Variants in DGCR8 observed in about 807,000 individuals in gnomAD.
DGCR8 encodes DGCR8 microprocessor complex subunit.
DGCR8 carries 14 observed loss-of-function variants against 78.5 expected under a neutral mutation model. That is an observed-to-expected ratio of 0.18 (90% confidence interval 0.12 to 0.28). DGCR8 has a LOEUF of 0.28. DGCR8 is among the 10% of genes least tolerant of loss of function. The probability of loss-of-function intolerance (pLI) is 1.00; values close to 1 mark genes in which losing one functional copy is unlikely to be tolerated. For synonymous variants in DGCR8, 399 were observed against 402.4 expected (o/e 0.99, Z 0.10); for missense variants, 702 against 1,022.5 (o/e 0.69, Z 4.28).
chr22:20,094,253 C>T (rs750943543), intron 8 of DGCR8, among the ~76,000 whole-genome samples: 7 of 152,170 alleles, frequency 4.6e-5, no homozygotes, highest in Non-Finnish European at 8.8e-5. Flanking sequence ...TGGGCATATC[C>T]GTGCCCTGCC....
At chr22:20,107,164 C>T in intron 11 of DGCR8, 107 bp from the exon 12 acceptor site, 1 of 1,307,366 alleles carries the variant, frequency 7.6e-7, no homozygotes, top group Admixed American at 1.7e-5. Flanking sequence ...AGAATGTGCC[C>T]TGGCTGGCCC....
rs1313159632 is a variant in DGCR8 at position 20,107,294 on chromosome 22, C to G, written c.2020C>G (p.Gln674Glu). The change falls in exon 12 of 14, where the codon CAG becomes GAG. Residue 674 changes from glutamine to glutamate, a missense_variant. By Grantham distance (29) the Gln-to-Glu change is conservative (BLOSUM62 2). Around this residue, in one of 4 missense-constraint regions of DGCR8, gnomAD observed 225 missense variants for 427.7 expected, o/e 0.53. Coordinates refer to ENST00000351989, the MANE Select transcript of DGCR8 (RefSeq NM_022720.7). ...AGGTAAGAACAAGAGAGTTGGAAAG[C>G]AGTTAGCCTCACAGAAGATCCTTCA... ...GWCKNKRVGK[Q>E]LASQKILQLL... 1 of 1,614,156 alleles carries G rather than the reference C, an allele frequency of 6.2e-7. No individual in the cohort carries two copies. The highest frequency in any genetic ancestry group is 1.7e-5 in the Admixed American group (1 of 60,032).
In DGCR8 at chr22:20,089,570, A is replaced by G. The variant is rs1458804811; in HGVS notation, c.881-99A>G. On this transcript the variant is annotated intron_variant, in intron 3 of 13. Transcript: ENST00000351989. The surrounding 1 kb of genome is among the most constrained non-coding windows in gnomAD (Gnocchi z 4.9). ...ATTATCTGTGAAGACCCAGTTAAAC[A>G]CATGCTAGTACCCAACAATTTCTTG... 7.4e-7 allele frequency: 1 copy of G among 1,346,050 alleles called. No homozygotes were observed. The highest frequency in any genetic ancestry group is 2.3e-5 in the East Asian group (1 of 43,466). 83.4% of individuals were successfully genotyped at this position (1,346,050 alleles called of 1,614,324 possible). A position where few individuals can be genotyped will look rare whatever the true frequency, so the allele number is the denominator to read the frequency against.
In DGCR8 at chr22:20,108,872, A is replaced by G. The variant is rs77725161; in HGVS notation, c.2125-18A>G. On this transcript the variant is annotated intron_variant, in intron 12 of 13. Coordinates refer to ENST00000351989, the MANE Select transcript of DGCR8 (RefSeq NM_022720.7). ...GCTACAGCCTGCAGTCCTGAGCGTGAGGTGCTATACTTCCCAGGAGACATC... is the reference window on the plus strand; with the variant it reads ...GCTACAGCCTGCAGTCCTGAGCGTGGGGTGCTATACTTCCCAGGAGACATC... 0.054 allele frequency: 72,113 copies of G among 1,334,240 alleles called. 2,235 individuals carry two copies. The highest frequency in any genetic ancestry group is 0.098 in the South Asian group (8,365 of 85,282). 82.7% of individuals were successfully genotyped at this position (1,334,240 alleles called of 1,614,324 possible).
chr22:20,090,527 G>A (rs919495348), intron 5 of DGCR8, among the ~76,000 whole-genome samples: 5 of 152,148 alleles, frequency 3.3e-5, no homozygotes, highest in African/African-American at 7.2e-5. Context: ...GCAGTGGGCC[G>A]TTTTCTCTCT....
At chr22:20,094,289 T>G (rs1050041664) in intron 8 of DGCR8, among the ~76,000 whole-genome samples, 3 of 152,186 alleles carry the variant, frequency 2.0e-5, no homozygotes, top group Non-Finnish European at 4.4e-5. Flanking sequence ...CTAGCGTCTC[T>G]CAGACCTGGC....
At chr22:20,097,298 T>C (rs59528277) in intron 9 of DGCR8, among the ~76,000 whole-genome samples, 33,059 of 152,202 alleles carry the variant, frequency 0.22, 3,926 homozygotes, top group Middle Eastern at 0.36. Flanking sequence ...TGAAACCTTC[T>C]GGTCCCAGGC....
intron 1 of DGCR8, 193 bp downstream of exon 1, chr22:20,080,576 G>A (rs762918011): frequency 1.3e-6 from 1 of 790,538 alleles, no homozygotes; most frequent in Non-Finnish European, 1.5e-6. Flanking sequence ...TCCGGGGCTG[G>A]GGGGCGGGCC....
intron 12 of DGCR8, 75 bp from the exon 13 acceptor site, chr22:20,108,815 A>C: frequency 5.0e-6 from 2 of 401,358 alleles, no homozygotes; most frequent in Non-Finnish European, 8.3e-6. Context: ...GGTCCCAGGC[A>C]CACAGCTGCT....
At chr22:20,096,838 G>C (rs1022735536) in intron 9 of DGCR8, among the ~76,000 whole-genome samples, 1 of 152,140 alleles carries the variant, frequency 6.6e-6, no homozygotes, top group African/African-American at 2.4e-5. Flanking sequence ...TCAGAATAAG[G>C]AAATTTCCTT....
At chr22:20,101,946 TAAAAAGGGA>T in intron 9 of DGCR8, 1 of 985,276 alleles carries the variant, frequency 1.0e-6, no homozygotes, top group Non-Finnish European at 1.2e-6. Context: ...GCTACTTGAT[TAAAAAGGGA>T]AAAAAGGAAC....
rs777067640 is a variant in DGCR8 at position 20,090,110 on chromosome 22, A to C, written c.1158A>C (p.Ala386=). Residue 386 remains alanine (A), a synonymous_variant, in exon 5 of 14, where the codon GCA becomes GCC. Transcript: ENST00000351989. The part of the protein sequence containing the change: ...VSPVKPLSRS[A]ELEFPLDEPD... ...CCGTCAAGCCCCTGAGCCGATCTGC[A>C]GAGCTGGAGTTTCCCCTGGATGAGC... 3 of 1,614,242 alleles carry C rather than the reference A, an allele frequency of 1.9e-6. No individual in the cohort carries two copies. Among genetic ancestry groups the C allele is most frequent in the Non-Finnish European group, 2.5e-6 (3 of 1,180,034 alleles).
chr22:20,104,810 G>C (rs997412573), intron 9 of DGCR8, among the ~76,000 whole-genome samples: 1 of 152,266 alleles, frequency 6.6e-6, no homozygotes, highest in Admixed American at 6.5e-5. Context: ...CTTCTATGCA[G>C]TTGCAGCGAG....
intron 7 of DGCR8, 143 bp from the exon 8 acceptor site, chr22:20,092,666 C>T: frequency 3.3e-6 from 2 of 611,594 alleles, no homozygotes; most frequent in Non-Finnish European, 5.6e-6. Flanking sequence ...CCCAGGGAGC[C>T]CCAGGTCTCT....
At position 20,091,588 on chromosome 22, in the gene DGCR8, A is replaced by G. The variant is rs1279321250; in HGVS notation, c.1460A>G (p.Gln487Arg). ...ESERPILPAN[Q>R]KLITLSVQDA... is the part of the protein sequence containing the mutation. ...GAGAGGCCCATCTTGCCAGCCAATC[A>G]GAAGCTCATTACTTTATCAGTGCAA... The change falls in exon 6 of 14, where the codon CAG becomes CGG. Residue 487 changes from glutamine (Q) to arginine (R), a missense_variant. Gln to Arg is a conservative substitution (Grantham distance 43, BLOSUM62 1). Transcript: ENST00000351989. 1.2e-6 allele frequency: 2 copies of G among 1,614,118 alleles called. No individual in the cohort carries two copies. The highest frequency in any genetic ancestry group is 1.1e-5 in the South Asian group (1 of 91,092).
chr22:20,111,705 C>CGCCGGGG lies in DGCR8; in HGVS notation c.*1600_*1601insGGGGGCC. On this transcript the variant is annotated 3_prime_UTR_variant, in exon 14 of 14. Coordinates refer to ENST00000351989, the MANE Select transcript of DGCR8 (RefSeq NM_022720.7). ...CTGCCATACTCTTGTGGTCTCTGTG[C>CGCCGGGG]GCCCCCCCCCCCCCCCCACCCGTCT... The CGCCGGGG allele has an allele frequency of 2.2e-5, 1 of 44,780 alleles. No individual in the cohort carries two copies. The highest frequency in any genetic ancestry group is 1.5e-4 in the African/African-American group (1 of 6,756). The allele number at this position is 44,780 out of a possible 1,614,324, so 2.8% of individuals were successfully genotyped here. A position where few individuals can be genotyped will look rare whatever the true frequency, so the allele number is the denominator to read the frequency against.
At position 20,089,590 on chromosome 22, in the gene DGCR8, T is replaced by A. The variant is rs1182440885; in HGVS notation, c.881-79T>A. The A allele has an allele frequency of 6.6e-7, 1 of 1,523,732 alleles. No homozygotes were observed. Among genetic ancestry groups the A allele is most frequent in the Non-Finnish European group, 9.0e-7 (1 of 1,111,502 alleles). The allele number at this position is 1,523,732 out of a possible 1,614,324, so 94.4% of individuals were successfully genotyped here. A position where few individuals can be genotyped will look rare whatever the true frequency, so the allele number is the denominator to read the frequency against. On this transcript the variant is annotated intron_variant, in intron 3 of 13. Transcript: ENST00000351989. This position sits in a 1 kb window ranked among gnomAD's most constrained non-coding sequence, Gnocchi z 4.9. Reference sequence around the variant, plus strand: ...TAAACACATGCTAGTACCCAACAATTTCTTGTGCAGGAGGTGCTGTGGCAA... The same window carrying A: ...TAAACACATGCTAGTACCCAACAATATCTTGTGCAGGAGGTGCTGTGGCAA...
chr22:20,105,384 A>G (rs2049757472), intron 9 of DGCR8, among the ~76,000 whole-genome samples: 1 of 152,188 alleles, frequency 6.6e-6, no homozygotes, highest in African/African-American at 2.4e-5. Context: ...ACTTTGTGGT[A>G]TGTTGTCACA....
At chr22:20,094,458 T>A (rs1172152964) in intron 8 of DGCR8, among the ~76,000 whole-genome samples, 1 of 152,232 alleles carries the variant, frequency 6.6e-6, no homozygotes, top group East Asian at 1.9e-4. Flanking sequence ...AGCTCCTCCC[T>A]GCCTGCTCCC....
Sources: allele counts gnomAD v4.1 joint callset (sites outside exome capture counted in the v4.1 genomes callset), GRCh38; gene constraint gnomAD v4.1.1; regional missense constraint gnomAD v4.1.1; non-coding constraint Gnocchi (gnomAD v3.1); transcripts MANE v1.5; gene names NCBI Gene and HGNC (gene_info 2026-07-23, HGNC 2026-07-21).